The following KAT6B variants were observed in gnomAD, a reference collection of about 807,000 sequenced individuals.
KAT6B encodes lysine acetyltransferase 6B, also known as histone acetyltransferase KAT6B.
A neutral mutation model predicts 187.5 loss-of-function variants in KAT6B; 10 were observed. The ratio of observed to expected loss-of-function variants is 0.05; its 90% CI spans 0.03 to 0.09. The LOEUF is 0.09. Among genes scored for constraint, KAT6B ranks in the 10% least tolerant of loss-of-function variants. The pLI, the probability that KAT6B is intolerant of heterozygous loss-of-function variation, is 1.00. For synonymous variants in KAT6B, 861 were observed against 926.8 expected, an observed-to-expected ratio of 0.93 and a Z score of 1.29; for missense variants, 1,952 against 2,558.9, an observed-to-expected ratio of 0.76 and a Z score of 5.12.
chr10:75,021,942 C>T lies in KAT6B; in HGVS notation c.3083C>T (p.Thr1028Ile). 6.2e-7 allele frequency: 1 copy of T among 1,614,150 alleles called. No individual in the cohort carries two copies. The highest frequency in any genetic ancestry group is 1.3e-5 in the African/African-American group (1 of 75,036). Residue 1028 changes from threonine (T) to isoleucine (I), a missense_variant, in exon 16 of 18, where the codon ACT becomes ATT. Transcript: ENST00000287239. ...AAGGAGGAACAAGAAATCCTGTCAACTAGAGCTAACAGTAGGCAATCACCT... is the reference window on the plus strand; with the variant it reads ...AAGGAGGAACAAGAAATCCTGTCAATTAGAGCTAACAGTAGGCAATCACCT... ...WEKEEQEILS[T>I]RANSRQSPAK...
chr10:74,997,792 T>G (rs889076178), intron 13 of KAT6B, among the ~76,000 whole-genome samples: 2 of 145,856 alleles, frequency 1.4e-5, no homozygotes, highest in Admixed American at 1.4e-4. Context: ...CATCTAATGG[T>G]TTTTTTTTTT....
chr10:74,868,821 A>G (rs1369901943), intron 3 of KAT6B, among the ~76,000 whole-genome samples: 2 of 152,138 alleles, frequency 1.3e-5, no homozygotes, highest in Non-Finnish European at 2.9e-5. Flanking sequence ...TGTTAGCTCC[A>G]TGTTAGAGAT....
intron 3 of KAT6B, among the ~76,000 whole-genome samples, chr10:74,948,906 G>A (rs552925575): frequency 4.6e-5 from 7 of 152,212 alleles, no homozygotes; most frequent in South Asian, 4.2e-4. Flanking sequence ...TTTTCTTGCC[G>A]TCTTTAAGAC....
chr10:74,981,548 A>G (rs1842521464), intron 10 of KAT6B, among the ~76,000 whole-genome samples: 1 of 151,974 alleles, frequency 6.6e-6, no homozygotes, highest in South Asian at 2.1e-4. Flanking sequence ...TAATTTTTGC[A>G]TTTTTAGTAG....
chr10:74,975,525 C>T lies in KAT6B; in HGVS notation c.1188C>T (p.Ser396=), dbSNP rs765667808. The T allele has an allele frequency of 1.7e-5, 27 of 1,614,094 alleles. No individual in the cohort carries two copies. Among genetic ancestry groups the T allele is most frequent in the Non-Finnish European group, 2.2e-5 (26 of 1,180,026 alleles). The part of the protein sequence containing the change: ...SGHAASGKDS[S]SRLAVTDPTR... ...ATGCTGCATCTGGGAAGGACTCAAG[C>T]AGCAGATTGGCTGTTACAGACCCCA... The change falls in exon 8 of 18, where the codon AGC becomes AGT. Residue 396 remains serine, a synonymous_variant. Coordinates refer to ENST00000287239, the MANE Select transcript of KAT6B (RefSeq NM_012330.4).
At chr10:74,960,500 T>C (rs1282405368) in intron 4 of KAT6B, among the ~76,000 whole-genome samples, 1 of 151,878 alleles carries the variant, frequency 6.6e-6, no homozygotes, top group Non-Finnish European at 1.5e-5. Flanking sequence ...CAAACTTTTT[T>C]CTCCAAAGTC....
intron 3 of KAT6B, among the ~76,000 whole-genome samples, chr10:74,911,567 C>T (rs1212242227): frequency 6.6e-6 from 1 of 152,104 alleles, no homozygotes; most frequent in Admixed American, 6.6e-5. Context: ...TGTGCCCAGC[C>T]TTTAGTCTAC....
Position 75,029,635 on chromosome 10 carries a change from A to G in KAT6B, c.4811A>G (p.His1604Arg). ...SDHSSPVSSV[H>R]SHPGQSVRSV... ...CACAGTAGCCCAGTTTCATCCGTCC[A>G]CTCCCATCCTGGCCAGTCCGTACGT... Residue 1604 changes from histidine (H) to arginine (R), a missense_variant, in exon 18 of 18, where the codon CAC (histidine) becomes CGC (arginine). By Grantham distance (29) the His-to-Arg change is conservative. Coordinates refer to ENST00000287239, the MANE Select transcript of KAT6B (RefSeq NM_012330.4). The surrounding 1 kb of genome is among the most constrained non-coding windows in gnomAD (Gnocchi z 6.2). 6.2e-7 allele frequency: 1 copy of G among 1,613,418 alleles called. No individual in the cohort carries two copies. Among genetic ancestry groups the G allele is most frequent in the Non-Finnish European group, 8.5e-7 (1 of 1,179,874 alleles).
intron 3 of KAT6B, among the ~76,000 whole-genome samples, chr10:74,863,780 A>G (rs915668639): frequency 3.9e-5 from 6 of 152,234 alleles, no homozygotes; most frequent in African/African-American, 1.4e-4. Flanking sequence ...TATGCCCTGC[A>G]GATAAGCATC....
intron 16 of KAT6B, chr10:75,023,468 A>G (rs1421561979): frequency 6.6e-6 from 1 of 152,226 alleles, no homozygotes; most frequent in Non-Finnish European, 1.5e-5. Flanking sequence ...TATATAATAA[A>G]AGAAATTTGT....
chr10:74,958,670 T>G (rs1840857877), intron 3 of KAT6B, among the ~76,000 whole-genome samples: 1 of 152,176 alleles, frequency 6.6e-6, no homozygotes, highest in African/African-American at 2.4e-5. Context: ...ATTTATACAT[T>G]GTTAAAAGCA....
At chr10:74,857,060 C>T (rs146588025) in intron 3 of KAT6B, among the ~76,000 whole-genome samples, 50 of 152,212 alleles carry the variant, frequency 3.3e-4, no homozygotes, top group African/African-American at 1.2e-3. Flanking sequence ...TTTATAAAGG[C>T]GCCTTTTCCC....
chr10:74,849,974 T>G (rs1233277055), intron 3 of KAT6B, among the ~76,000 whole-genome samples: 1 of 151,694 alleles, frequency 6.6e-6, no homozygotes, highest in African/African-American at 2.4e-5. Flanking sequence ...AGTCTCGCTC[T>G]GTCGCCCAGG....
At chr10:74,834,924 A>G (rs1265198298) in intron 1 of KAT6B, among the ~76,000 whole-genome samples, 8 of 152,052 alleles carry the variant, frequency 5.3e-5, no homozygotes, top group Non-Finnish European at 8.8e-5. Flanking sequence ...CTGTTATTTC[A>G]CTTTGATTTC....
rs1049051005 is a variant in KAT6B at position 75,030,671 on chromosome 10, T to C, written c.5847T>C (p.Thr1949=). 3.1e-6 allele frequency: 5 copies of C among 1,614,136 alleles called. No individual in the cohort carries two copies. The African/African-American group carries it at 5.3e-5, about 17-fold the overall frequency. The change falls in exon 18 of 18, where the codon ACT becomes ACC. Residue 1949 remains threonine, a synonymous_variant. Transcript: ENST00000287239. This position sits in a 1 kb window ranked among gnomAD's most constrained non-coding sequence, Gnocchi z 4.8. The part of the protein sequence containing the change: ...HQSQIYGRSQ[T]VAMQGPARTL... ...CACAAATCTATGGGCGCTCCCAGAC[T>C]GTAGCCATGCAGGGTCCTGCACGGA... is the stretch of plus-strand genomic sequence containing the variant.
intron 16 of KAT6B, 99 bp from the exon 17 acceptor site, chr10:75,024,859 A>G (rs1845697576): frequency 1.8e-6 from 2 of 1,112,118 alleles, no homozygotes; most frequent in Admixed American, 1.8e-5. Flanking sequence ...ACCACGTGTA[A>G]GATTCTCAGA....
intron 3 of KAT6B, among the ~76,000 whole-genome samples, chr10:74,875,764 C>A (rs1163855895): frequency 6.6e-6 from 1 of 152,206 alleles, no homozygotes; most frequent in Non-Finnish European, 1.5e-5. Flanking sequence ...CTGTGCCCAG[C>A]CTGTCTTCCT....
At chr10:74,901,874 G>A (rs1308317895) in intron 3 of KAT6B, among the ~76,000 whole-genome samples, 1 of 152,042 alleles carries the variant, frequency 6.6e-6, no homozygotes, top group Non-Finnish European at 1.5e-5. Context: ...TGTTTTTAAT[G>A]TCATTTTGAT....
At chr10:74,828,542 T>G (rs1202389721) in intron 1 of KAT6B, among the ~76,000 whole-genome samples, 1 of 151,630 alleles carries the variant, frequency 6.6e-6, no homozygotes, top group Non-Finnish European at 1.5e-5. Context: ...AACACTCCAT[T>G]TTTTTCTTAC....
Sources: allele counts gnomAD v4.1 joint callset (sites outside exome capture counted in the v4.1 genomes callset), GRCh38; gene constraint gnomAD v4.1.1; non-coding constraint Gnocchi (gnomAD v3.1); transcripts MANE v1.5; gene names NCBI Gene and HGNC (gene_info 2026-07-23, HGNC 2026-07-21).